The following BDKRB2 variants were observed in gnomAD, a reference collection of about 807,000 sequenced individuals.
BDKRB2 encodes B2 bradykinin receptor.
In BDKRB2, 6 loss-of-function variants were observed where a neutral mutation model predicts 4.0. The observed-to-expected ratio is 1.49, with a 90% CI of 0.81 to 2.93. The LOEUF is 2.93. Ranked by LOEUF, BDKRB2 falls within the 30% of genes most tolerant of loss-of-function variation. The probability of loss-of-function intolerance (pLI) is 0.00; values close to 1 mark genes in which losing one functional copy is unlikely to be tolerated. For missense variants in BDKRB2, 478 were observed against 520.1 expected, an observed-to-expected ratio of 0.92 and a Z score of 0.79; for synonymous variants, 225 against 215.3, an observed-to-expected ratio of 1.05 and a Z score of -0.40.
rs187273101 is a variant in BDKRB2, at chr14:96,217,131, G to A, written c.-40+12172G>A. 3.2e-3 allele frequency among the ~76,000 whole-genome samples: 488 copies of A among 152,294 alleles called. 4 individuals carry two copies. Among genetic ancestry groups the A allele is most frequent in the African/African-American group, 0.011 (449 of 41,566 alleles). On this transcript the variant is annotated intron_variant, in intron 1 of 2. Coordinates refer to ENST00000554311, the MANE Select transcript of BDKRB2 (RefSeq NM_001379692.1). Reference sequence around the variant, plus strand: ...TCAGCAAACATTCAGTGATAGCTGCGCTTCCCCAGGACCAGAGATTCAGAT... The same window carrying A: ...TCAGCAAACATTCAGTGATAGCTGCACTTCCCCAGGACCAGAGATTCAGAT...
chr14:96,235,212 G>A (rs1189431219), intron 1 of BDKRB2, among the ~76,000 whole-genome samples: 1 of 151,930 alleles, frequency 6.6e-6, no homozygotes, highest in Non-Finnish European at 1.5e-5. Flanking sequence ...GCCAGGCATG[G>A]TGGCAGGCAC....
intron 1 of BDKRB2, among the ~76,000 whole-genome samples, chr14:96,211,597 A>G (rs553938338): frequency 1.3e-5 from 2 of 152,298 alleles, no homozygotes; most frequent in East Asian, 3.9e-4. Flanking sequence ...GGACTCCTCA[A>G]ATGAACTGTA....
Position 96,240,089 on chromosome 14 carries a change from G to T in BDKRB2, c.75-314G>T, listed in dbSNP as rs956260695. ...GAATGTGAATCCTCCCATCACGGAA[G>T]CTTCAAGGAGGTCAAGGGTCCAACA... On this transcript the variant is annotated intron_variant, in intron 2 of 2. Coordinates refer to ENST00000554311, the MANE Select transcript of BDKRB2 (RefSeq NM_001379692.1). The T allele has an allele frequency of 3.7e-6, 4 of 1,092,780 alleles. No homozygotes were observed. The African/African-American group carries it at 6.5e-5, about 18-fold the overall frequency. 67.7% of individuals were successfully genotyped at this position (1,092,780 alleles called of 1,614,324 possible).
At chr14:96,206,248 T>A (rs550457813) in intron 1 of BDKRB2, among the ~76,000 whole-genome samples, 1 of 151,944 alleles carries the variant, frequency 6.6e-6, no homozygotes, top group Non-Finnish European at 1.5e-5. Context: ...AGAGAAGGCG[T>A]CTTTGGATGA....
At chr14:96,240,278 T>G in intron 2 of BDKRB2, 125 bp from the exon 3 acceptor site, 7 of 1,340,098 alleles carry the variant, frequency 5.2e-6, no homozygotes, top group Non-Finnish European at 6.7e-6. Context: ...GAAAACAGCC[T>G]GAGCTCCACC....
intron 1 of BDKRB2, among the ~76,000 whole-genome samples, chr14:96,220,210 A>C (rs908430990): frequency 1.5e-5 from 2 of 133,688 alleles, no homozygotes; most frequent in Non-Finnish European, 3.5e-5. Context: ...CCCAGCCCCC[A>C]CCCCTCCCCT....
At chr14:96,205,763 G>T (rs1279019043) in intron 1 of BDKRB2, among the ~76,000 whole-genome samples, 1 of 152,244 alleles carries the variant, frequency 6.6e-6, no homozygotes, top group Non-Finnish European at 1.5e-5. Flanking sequence ...TGCAAAGATA[G>T]AGGTAGGCTC....
intron 2 of BDKRB2, chr14:96,239,709 G>A: frequency 1.1e-6 from 1 of 937,064 alleles, no homozygotes; most frequent in Non-Finnish European, 1.3e-6. Flanking sequence ...AGGTCATTGT[G>A]GTTCAAGGAC....
chr14:96,222,134 A>C (rs1890584599), intron 1 of BDKRB2, among the ~76,000 whole-genome samples: 1 of 152,022 alleles, frequency 6.6e-6, no homozygotes, highest in Non-Finnish European at 1.5e-5. Context: ...GCATCAGGGA[A>C]ACATTTACTT....
At position 96,220,886 on chromosome 14, in the gene BDKRB2, A is replaced by G. The variant is rs139359084; in HGVS notation, c.-40+15927A>G. Among the ~76,000 whole-genome samples, 468 of 152,144 alleles carry G rather than the reference A, an allele frequency of 3.1e-3. 6 individuals are homozygous for G. The highest frequency in any genetic ancestry group is 0.014 in the Middle Eastern group (4 of 294). On this transcript the variant is annotated intron_variant, in intron 1 of 2. Coordinates refer to ENST00000554311, the MANE Select transcript of BDKRB2 (RefSeq NM_001379692.1). ...GACACAGCCATGGCCTCAGGTCATC[A>G]TCTCCCCCACGAAGCCTCCCACACC...
chr14:96,234,502 G>C (rs1890888536), intron 1 of BDKRB2, among the ~76,000 whole-genome samples: 1 of 152,104 alleles, frequency 6.6e-6, no homozygotes, highest in Non-Finnish European at 1.5e-5. Flanking sequence ...CCCAAGCAGG[G>C]GCCACAGAGG....
At chr14:96,205,773 C>T (rs61982596) in intron 1 of BDKRB2, among the ~76,000 whole-genome samples, 17,506 of 152,294 alleles carry the variant, frequency 0.11, 1,331 homozygotes, top group Middle Eastern at 0.21. Flanking sequence ...GAGGTAGGCT[C>T]TTGCCTGTGA....
At chr14:96,216,518 A>G (rs11628395) in intron 1 of BDKRB2, among the ~76,000 whole-genome samples, 58,646 of 110,402 alleles carry the variant, frequency 0.53, 11,842 homozygotes, top group Non-Finnish European at 0.6. Context: ...AGCTGCTTGG[A>G]AGGATGAGGT....
chr14:96,214,364 T>C (rs1331316439), intron 1 of BDKRB2, among the ~76,000 whole-genome samples: 1 of 152,174 alleles, frequency 6.6e-6, no homozygotes, highest in Admixed American at 6.5e-5. Context: ...CTGTCATTCC[T>C]GAGAGAGGAC....
intron 1 of BDKRB2, among the ~76,000 whole-genome samples, chr14:96,231,984 C>T (rs1447951146): frequency 6.6e-6 from 1 of 152,248 alleles, no homozygotes; most frequent in Admixed American, 6.5e-5. Flanking sequence ...AGACTGGTGG[C>T]GTCCCAGCAA....
At chr14:96,239,738 C>T (rs1035495963) in intron 2 of BDKRB2, 5 of 963,810 alleles carry the variant, frequency 5.2e-6, no homozygotes, top group Middle Eastern at 5.3e-4. Flanking sequence ...ACTTCCCCAG[C>T]GTCACACGGC....
In BDKRB2 at chr14:96,242,859, C is replaced by T. The variant is rs1425678967; in HGVS notation, c.*1355C>T. The T allele has an allele frequency of 1.3e-5, 2 of 152,358 alleles. No individual in the cohort carries two copies. Among genetic ancestry groups the T allele is most frequent in the South Asian group, 2.1e-4 (1 of 4,830 alleles). 9.4% of individuals were successfully genotyped at this position (152,358 alleles called of 1,614,324 possible). ...ATCAATGGTTTATTGGAAGGTGGCC[C>T]AGTATGAGCCCTAGAAGAGTGTGAA... On this transcript the variant is annotated 3_prime_UTR_variant, in exon 3 of 3. Transcript: ENST00000554311.
chr14:96,212,054 G>A (rs1400748469), intron 1 of BDKRB2, among the ~76,000 whole-genome samples: 2 of 152,158 alleles, frequency 1.3e-5, no homozygotes, highest in African/African-American at 4.8e-5. Context: ...AGACACCAGT[G>A]AGCCTGGCTG....
At chr14:96,213,838 A>G (rs1890357974) in intron 1 of BDKRB2, among the ~76,000 whole-genome samples, 1 of 152,056 alleles carries the variant, frequency 6.6e-6, no homozygotes, top group South Asian at 2.1e-4. Context: ...AGTTGAGGAA[A>G]TGGTCCCTAG....
Sources: gnomAD v4.1 joint callset for allele counts (sites outside exome capture counted in the v4.1 genomes callset) on GRCh38, gnomAD v4.1.1 for gene constraint, MANE v1.5 for transcripts, NCBI Gene and HGNC (gene_info 2026-07-23, HGNC 2026-07-21) for gene names.